The following DLGAP2 variants were observed in gnomAD, a reference collection of about 807,000 sequenced individuals.
DLGAP2 encodes disks large-associated protein 2.
A neutral mutation model predicts 100.3 loss-of-function variants in DLGAP2; 26 were observed. The observed-to-expected ratio is 0.26, with a 90% CI of 0.19 to 0.36. DLGAP2 has a LOEUF of 0.36. DLGAP2 is among the 10% of genes least tolerant of loss of function. The pLI, the probability that DLGAP2 is intolerant of heterozygous loss-of-function variation, is 1.00. For missense variants in DLGAP2, 1,858 were observed against 1,453.2 expected, an observed-to-expected ratio of 1.28 and a Z score of -4.53; for synonymous variants, 886 against 630.1, an observed-to-expected ratio of 1.41 and a Z score of -6.08.
chr8:1,222,206 G>A (rs1170329319), intron 2 of DLGAP2, among the ~76,000 whole-genome samples: 2 of 152,154 alleles, frequency 1.3e-5, no homozygotes, highest in Non-Finnish European at 2.9e-5. Context: ...CATCTGTGTG[G>A]GCTGATGTTA....
intron 2 of DLGAP2, among the ~76,000 whole-genome samples, chr8:1,196,463 G>A (rs966147089): frequency 2.0e-5 from 3 of 152,148 alleles, no homozygotes; most frequent in Non-Finnish European, 2.9e-5. Flanking sequence ...CTGTGCCCCC[G>A]AAGGAAATAT....
At chr8:1,441,229 A>T (rs921895900) in intron 3 of DLGAP2, among the ~76,000 whole-genome samples, 12 of 152,204 alleles carry the variant, frequency 7.9e-5, no homozygotes. Flanking sequence ...AGTTTTCATA[A>T]ATTCTGGCAG....
intron 2 of DLGAP2, among the ~76,000 whole-genome samples, chr8:977,698 G>A (rs1239347312): frequency 2.0e-5 from 3 of 149,462 alleles, no homozygotes; most frequent in African/African-American, 7.4e-5. Context: ...TTTTAAGAGA[G>A]TTCATAGAAT....
chr8:1,343,791 C>T (rs528066552), intron 3 of DLGAP2, among the ~76,000 whole-genome samples: 3 of 152,224 alleles, frequency 2.0e-5, no homozygotes, highest in South Asian at 4.1e-4. Flanking sequence ...GTGGGCTTCA[C>T]GCCTGCTGTG....
intron 2 of DLGAP2, among the ~76,000 whole-genome samples, chr8:1,256,815 C>T (rs1278147325): frequency 2.0e-5 from 3 of 152,090 alleles, no homozygotes; most frequent in East Asian, 1.9e-4. Context: ...GTGATGGCAG[C>T]GATGGGATGG....
At chr8:1,336,742 G>A (rs528924169) in intron 3 of DLGAP2, among the ~76,000 whole-genome samples, 11 of 152,162 alleles carry the variant, frequency 7.2e-5, no homozygotes, top group Non-Finnish European at 1.6e-4. Context: ...TGACCTCTCA[G>A]CTTACTAGTG....
At chr8:1,001,201 C>T (rs995220773) in intron 2 of DLGAP2, among the ~76,000 whole-genome samples, 1 of 152,120 alleles carries the variant, frequency 6.6e-6, no homozygotes, top group Non-Finnish European at 1.5e-5. Context: ...GACTGGAGAG[C>T]TTTGACTATT....
chr8:1,071,052 G>C (rs931666049), intron 2 of DLGAP2, among the ~76,000 whole-genome samples: 11 of 152,208 alleles, frequency 7.2e-5, no homozygotes, highest in African/African-American at 2.7e-4. Context: ...AGCAGAATGA[G>C]GGTCCTGTGT....
intron 2 of DLGAP2, chr8:927,003 C>T: frequency 1.0e-6 from 1 of 985,082 alleles, no homozygotes; most frequent in Non-Finnish European, 1.2e-6. Flanking sequence ...CAGAGGACCC[C>T]CCGCCGAGAA....
intron 2 of DLGAP2, among the ~76,000 whole-genome samples, chr8:1,238,254 T>TAC (rs1349676560): frequency 5.3e-5 from 3 of 56,594 alleles, no homozygotes; most frequent in African/African-American, 1.8e-4. Flanking sequence ...CATGTCTAGT[T>TAC]CTCTCACATG....
intron 1 of DLGAP2, among the ~76,000 whole-genome samples, chr8:853,935 C>T (rs547119170): frequency 3.3e-5 from 5 of 152,124 alleles, no homozygotes; most frequent in South Asian, 2.1e-4. Context: ...AGGGTGGGGC[C>T]GCCACAGGTG....
intron 3 of DLGAP2, among the ~76,000 whole-genome samples, chr8:1,357,985 G>A (rs990897228): frequency 6.6e-6 from 1 of 152,192 alleles, no homozygotes; most frequent in Non-Finnish European, 1.5e-5. Context: ...AATCGACTTA[G>A]AGAGCTGTCT....
intron 6 of DLGAP2, among the ~76,000 whole-genome samples, chr8:1,599,386 G>A (rs764022790): frequency 6.6e-6 from 1 of 152,090 alleles, no homozygotes; most frequent in Non-Finnish European, 1.5e-5. Context: ...GGTCTGCTTG[G>A]TCCAGAGCTG....
chr8:1,622,588 C>CT (rs1181903778), intron 6 of DLGAP2, among the ~76,000 whole-genome samples: 1 of 152,176 alleles, frequency 6.6e-6, no homozygotes, highest in Non-Finnish European at 1.5e-5. Context: ...GCAGTTCTGT[C>CT]TTGGGGTTAT....
chr8:1,249,175 G>T (rs1798981078), intron 2 of DLGAP2, among the ~76,000 whole-genome samples: 1 of 152,148 alleles, frequency 6.6e-6, no homozygotes, highest in South Asian at 2.1e-4. Flanking sequence ...CTGCTTTACT[G>T]CTGGAGAGAA....
At position 989,214 on chromosome 8, in the gene DLGAP2, C is replaced by T. The variant is rs574740744; in HGVS notation, c.73+81248C>T. Among the ~76,000 whole-genome samples the T allele has an allele frequency of 4.6e-5, 7 of 152,252 alleles. No homozygotes were observed. The South Asian group carries it at 1.5e-3, about 32-fold the overall frequency. On this transcript the variant is annotated intron_variant, in intron 2 of 14. Transcript: ENST00000637795. The stretch of plus-strand genomic sequence containing the variant: ...GGCTCTCCCGCATGCCACATCAGGG[C>T]CCAGCAGTGCTCCCCCGGAGTCCCT...
intron 2 of DLGAP2, among the ~76,000 whole-genome samples, chr8:1,202,550 A>C (rs149755555): frequency 1.3e-5 from 2 of 152,274 alleles, no homozygotes; most frequent in Non-Finnish European, 2.9e-5. Context: ...TCCATTTTCT[A>C]ATGCAGAGGA....
intron 2 of DLGAP2, among the ~76,000 whole-genome samples, chr8:1,003,703 G>C (rs921076968): frequency 2.0e-5 from 3 of 152,170 alleles, no homozygotes; most frequent in African/African-American, 7.2e-5. Flanking sequence ...AGGTGGGGCT[G>C]GCTGTCAGCT....
At chr8:1,508,589 A>T (rs1038293994) in intron 4 of DLGAP2, among the ~76,000 whole-genome samples, 6 of 108,582 alleles carry the variant, frequency 5.5e-5, no homozygotes, top group African/African-American at 1.3e-4. Context: ...TCAAACAGCA[A>T]TTGCTGGTGT....
Sources: allele counts gnomAD v4.1 joint callset (sites outside exome capture counted in the v4.1 genomes callset), GRCh38; gene constraint gnomAD v4.1.1; transcripts MANE v1.5; gene names NCBI Gene and HGNC (gene_info 2026-07-23, HGNC 2026-07-21).